Variants in PTPRD observed in about 807,000 individuals in gnomAD.
PTPRD encodes the protein protein tyrosine phosphatase receptor type D.
In PTPRD, 34 loss-of-function variants were observed where a neutral mutation model predicts 214.5. That is an observed-to-expected ratio of 0.16 (90% CI 0.12 to 0.21). The LOEUF is 0.21. Among genes scored for constraint, PTPRD ranks in the 10% least tolerant of loss-of-function variants. The pLI is 1.00. For synonymous variants in PTPRD, 1,128 were observed against 845.7 expected, an observed-to-expected ratio of 1.33 and a Z score of -5.79; for missense variants, 2,545 against 2,398.7, an observed-to-expected ratio of 1.06 and a Z score of -1.27.
chr9:10,017,814 A>T (rs1312454571), intron 4 of PTPRD, among the ~76,000 whole-genome samples: 2 of 152,064 alleles, frequency 1.3e-5, no homozygotes, highest in East Asian at 3.9e-4. Flanking sequence ...TTTTTCAAGA[A>T]TGTCTTGATG....
intron 10 of PTPRD, among the ~76,000 whole-genome samples, chr9:9,101,116 A>AGT (rs1193325556): frequency 4.1e-5 from 6 of 145,956 alleles, no homozygotes; most frequent in African/African-American, 7.5e-5. Flanking sequence ...AGAGAGAGAG[A>AGT]GTAGAGAGCA....
chr9:9,350,251 C>T (rs2050597929), intron 9 of PTPRD, among the ~76,000 whole-genome samples: 1 of 152,092 alleles, frequency 6.6e-6, no homozygotes, highest in South Asian at 2.1e-4. Flanking sequence ...GATTCTAAGG[C>T]ATTCTGACCT....
intron 9 of PTPRD, among the ~76,000 whole-genome samples, chr9:9,374,607 T>TAATA (rs1278990840): frequency 2.0e-5 from 3 of 152,200 alleles, no homozygotes; most frequent in Admixed American, 2.0e-4. Flanking sequence ...TAGAAGGCCT[T>TAATA]AATGTAAGAC....
At position 9,923,816 on chromosome 9, in the gene PTPRD, C is replaced by T. The variant is rs149641638; in HGVS notation, c.-368+14691G>A. The stretch of plus-strand genomic sequence containing the variant: ...TAGAAAGATACTAGAAGTTGTACTT[C>T]TGCAAATATGAGGTATTGAAATCAA... On this transcript the variant is annotated intron_variant, in intron 5 of 45. Coordinates refer to ENST00000381196, the MANE Select transcript of PTPRD (RefSeq NM_002839.4). 3.0e-3 allele frequency among the ~76,000 whole-genome samples: 449 copies of T among 151,916 alleles called. 4 individuals are homozygous for T. The highest frequency in any genetic ancestry group is 0.01 in the African/African-American group (423 of 41,488).
chr9:9,533,562 CTG>C (rs1366572142), intron 8 of PTPRD, among the ~76,000 whole-genome samples: 4 of 151,954 alleles, frequency 2.6e-5, no homozygotes, highest in African/African-American at 9.7e-5. Flanking sequence ...TTATTCAGAG[CTG>C]TGTTTCCCTT....
intron 2 of PTPRD, among the ~76,000 whole-genome samples, chr9:10,509,644 G>A (rs2047351306): frequency 6.9e-6 from 1 of 144,236 alleles, no homozygotes; most frequent in African/African-American, 2.6e-5. Flanking sequence ...GTTTTTTAAT[G>A]CCCTCACTCA....
At chr9:8,923,073 G>A (rs559035987) in intron 11 of PTPRD, among the ~76,000 whole-genome samples, 4 of 147,686 alleles carry the variant, frequency 2.7e-5, no homozygotes, top group East Asian at 2.0e-4. Flanking sequence ...ACTGAGTCTC[G>A]CTCTGTCATC....
At chr9:8,323,656 T>A (rs1830697302) in intron 44 of PTPRD, among the ~76,000 whole-genome samples, 2 of 152,176 alleles carry the variant, frequency 1.3e-5, no homozygotes. Flanking sequence ...GGGACTGAAC[T>A]GCTGCAATCT....
At chr9:9,657,292 G>T (rs1377495714) in intron 7 of PTPRD, among the ~76,000 whole-genome samples, 1 of 152,010 alleles carries the variant, frequency 6.6e-6, no homozygotes, top group Non-Finnish European at 1.5e-5. Flanking sequence ...AAAAGGTCAT[G>T]TCCTTTGCAG....
intron 11 of PTPRD, among the ~76,000 whole-genome samples, chr9:8,942,086 G>A (rs192250171): frequency 2.6e-5 from 4 of 152,128 alleles, no homozygotes; most frequent in African/African-American, 4.8e-5. Context: ...AATTACAGGC[G>A]TGAGCCACTG....
rs567533350 is a variant in PTPRD, at chr9:9,240,012, G to A, written c.-202-56649C>T. 3.3e-5 allele frequency among the ~76,000 whole-genome samples: 5 copies of A among 152,168 alleles called. No homozygotes were observed. In the South Asian group the frequency reaches 1.0e-3, roughly 32 times the overall value. The stretch of plus-strand genomic sequence containing the variant: ...AGGCTAGCTAACACAGATTTGGATT[G>A]GTTTCAATTTTTCAAAAGAAAAACA... On this transcript the variant is annotated intron_variant, in intron 9 of 45. Transcript: ENST00000381196.
At chr9:8,497,313 A>C (rs2097298787) in intron 25 of PTPRD, 45 bp from the exon 26 acceptor site, 1 of 1,523,938 alleles carries the variant, frequency 6.6e-7, no homozygotes, top group South Asian at 1.2e-5. Context: ...AATAAAAAGA[A>C]AAAGAATTTA....
chr9:8,748,015 C>A (rs1005572413), intron 11 of PTPRD, among the ~76,000 whole-genome samples: 1 of 152,104 alleles, frequency 6.6e-6, no homozygotes. Context: ...CTAAGATCTA[C>A]CGCGGACCCC....
At chr9:9,607,582 C>G (rs769273112) in intron 7 of PTPRD, among the ~76,000 whole-genome samples, 16 of 152,002 alleles carry the variant, frequency 1.1e-4, no homozygotes, top group Non-Finnish European at 1.2e-4. Flanking sequence ...CTCAGTCTAT[C>G]CAGAAATATC....
At position 9,931,233 on chromosome 9, in the gene PTPRD, C is replaced by A. The variant is rs572326170; in HGVS notation, c.-368+7274G>T. Among the ~76,000 whole-genome samples, 7 of 152,114 alleles carry A rather than the reference C, an allele frequency of 4.6e-5. No homozygotes were observed. The South Asian group carries it at 1.5e-3, about 32-fold the overall frequency. ...ATTACTGGGGAGGAGCCAAGATGGC[C>A]GAATAGGAACAGCTCCGGTCTACAG... On this transcript the variant is annotated intron_variant, in intron 5 of 45. Coordinates refer to ENST00000381196, the MANE Select transcript of PTPRD (RefSeq NM_002839.4).
chr9:9,013,316 G>C (rs557163082), intron 11 of PTPRD, among the ~76,000 whole-genome samples: 1 of 151,950 alleles, frequency 6.6e-6, no homozygotes, highest in Non-Finnish European at 1.5e-5. Flanking sequence ...AAATAAATGC[G>C]CCATGGGAGT....
intron 9 of PTPRD, among the ~76,000 whole-genome samples, chr9:9,211,205 G>C (rs922814555): frequency 6.6e-6 from 1 of 151,880 alleles, no homozygotes. Flanking sequence ...GGTCTGTATT[G>C]CCTGGTATTT....
At chr9:9,880,178 C>T (rs571537585) in intron 5 of PTPRD, among the ~76,000 whole-genome samples, 151 of 152,230 alleles carry the variant, frequency 9.9e-4, no homozygotes, top group African/African-American at 3.4e-3. Flanking sequence ...TGCACTCTTT[C>T]TCTATTGCTT....
intron 8 of PTPRD, among the ~76,000 whole-genome samples, chr9:9,430,962 C>G (rs2082857260): frequency 6.6e-6 from 1 of 152,092 alleles, no homozygotes; most frequent in Admixed American, 6.6e-5. Context: ...AGAAGAAAAC[C>G]TAGGCAATAC....
Sources: gnomAD v4.1 joint callset for allele counts (sites outside exome capture counted in the v4.1 genomes callset) on GRCh38, gnomAD v4.1.1 for gene constraint, MANE v1.5 for transcripts, NCBI Gene and HGNC (gene_info 2026-07-23, HGNC 2026-07-21) for gene names.